Variants in GRM7 observed in about 807,000 individuals in gnomAD.
The protein encoded by GRM7 is glutamate metabotropic receptor 7.
GRM7 carries 35 observed loss-of-function variants against 84.5 expected under a neutral mutation model. That is an observed-to-expected ratio of 0.41 (90% CI 0.32 to 0.55). The LOEUF is 0.55. Ranked by LOEUF, GRM7 falls within the 20% of genes least tolerant of loss-of-function variation. The pLI, the probability that GRM7 is intolerant of heterozygous loss-of-function variation, is 0.19. For synonymous variants in GRM7, 487 were observed against 455.1 expected, an observed-to-expected ratio of 1.07 and a Z score of -0.89; for missense variants, 1,003 against 1,194.6, an observed-to-expected ratio of 0.84 and a Z score of 2.36.
In GRM7 at chr3:7,656,545, G is replaced by GCACACACACACACA. The variant is rs1288626812; in HGVS notation, c.2452-23503_2452-23502insACACACACACACAC. Among the ~76,000 whole-genome samples, 60 of 120,410 alleles carry GCACACACACACACA rather than the reference G, an allele frequency of 5.0e-4. No individual in the cohort carries two copies. The South Asian group carries it at 0.015, about 29-fold the overall frequency. 79.0% of individuals were successfully genotyped at this position (120,410 alleles called of 152,430 possible). A position where few individuals can be genotyped will look rare whatever the true frequency, so the allele number is the denominator to read the frequency against. ...AAAATATATATATATATATACGCGC[G>GCACACACACACACA]CGCACACACACACACACACACACAC... On this transcript the variant is annotated intron_variant, in intron 8 of 9. Coordinates refer to ENST00000357716, the MANE Select transcript of GRM7 (RefSeq NM_000844.4).
intron 3 of GRM7, among the ~76,000 whole-genome samples, chr3:7,303,999 C>T (rs1700098816): frequency 6.6e-6 from 1 of 151,400 alleles, no homozygotes; most frequent in Non-Finnish European, 1.5e-5. Context: ...AAAATGTTCT[C>T]ATTCTGCCTC....
chr3:7,342,734 A>G lies in GRM7; in HGVS notation c.1033+36082A>G, dbSNP rs77506983. Among the ~76,000 whole-genome samples the G allele has an allele frequency of 8.5e-3, 1,300 of 152,248 alleles. 11 individuals carry two copies. The highest frequency in any genetic ancestry group is 0.015 in the Non-Finnish European group (1,029 of 68,022). On this transcript the variant is annotated intron_variant, in intron 4 of 9. Transcript: ENST00000357716. ...TCTAAAGCGTTTCTAGGTGATGCTG[A>G]TTCGACTGGACCAGGTACCACACTT...
intron 1 of GRM7, among the ~76,000 whole-genome samples, chr3:6,880,754 C>T (rs1214648335): frequency 2.6e-5 from 4 of 152,104 alleles, no homozygotes; most frequent in South Asian, 2.1e-4. Flanking sequence ...TATTCCTTCT[C>T]GTCTCGTATT....
At chr3:7,310,110 G>T (rs532210181) in intron 4 of GRM7, among the ~76,000 whole-genome samples, 1 of 152,292 alleles carries the variant, frequency 6.6e-6, no homozygotes, top group African/African-American at 2.4e-5. Context: ...TCTGAAAGGA[G>T]GCTGTCCTAG....
intron 2 of GRM7, among the ~76,000 whole-genome samples, chr3:7,285,870 C>A (rs1260321791): frequency 6.6e-6 from 1 of 152,052 alleles, no homozygotes; most frequent in Non-Finnish European, 1.5e-5. Flanking sequence ...TGAAGCCCAA[C>A]GTGATTTTAA....
intron 1 of GRM7, among the ~76,000 whole-genome samples, chr3:6,890,689 T>A (rs960507613): frequency 4.6e-5 from 7 of 152,102 alleles, no homozygotes; most frequent in Non-Finnish European, 1.0e-4. Flanking sequence ...GGTGTGGTGC[T>A]GAAAAAAATG....
intron 8 of GRM7, among the ~76,000 whole-genome samples, chr3:7,673,532 A>AG (rs397693241): frequency 6.6e-6 from 1 of 151,576 alleles, no homozygotes; most frequent in Non-Finnish European, 1.5e-5. Flanking sequence ...AAAAAAAAAA[A>AG]GACCAGAACC....
intron 8 of GRM7, among the ~76,000 whole-genome samples, chr3:7,654,636 T>TAATC (rs1699099832): frequency 6.6e-6 from 1 of 152,236 alleles, no homozygotes; most frequent in Non-Finnish European, 1.5e-5. Flanking sequence ...GCTTCTCCAC[T>TAATC]AATCAGCTCT....
At chr3:7,693,741 C>T (rs1700905484) in intron 9 of GRM7, 1 of 1,101,048 alleles carries the variant, frequency 9.1e-7, no homozygotes, top group Non-Finnish European at 1.3e-6. Context: ...GCTACCCAGC[C>T]CACCAATGAA....
At chr3:7,450,627 G>A in intron 5 of GRM7, among the ~76,000 whole-genome samples, 1 of 152,112 alleles carries the variant, frequency 6.6e-6, no homozygotes, top group Admixed American at 6.6e-5. Flanking sequence ...AAAGGAAGTA[G>A]AGATTTAAGA....
chr3:7,427,995 C>A (rs1696681007), intron 5 of GRM7, among the ~76,000 whole-genome samples: 1 of 152,108 alleles, frequency 6.6e-6, no homozygotes, highest in South Asian at 2.1e-4. Context: ...GTTGAGACCC[C>A]TCATAGGGAA....
At chr3:7,563,308 A>G (rs1431480402) in intron 7 of GRM7, among the ~76,000 whole-genome samples, 1 of 152,162 alleles carries the variant, frequency 6.6e-6, no homozygotes, top group Non-Finnish European at 1.5e-5. Flanking sequence ...ATAAAAGAGG[A>G]CATTTTTTTC....
At chr3:7,235,905 C>G (rs1697332659) in intron 2 of GRM7, among the ~76,000 whole-genome samples, 1 of 152,252 alleles carries the variant, frequency 6.6e-6, no homozygotes, top group South Asian at 2.1e-4. Flanking sequence ...TTAGTTTGTG[C>G]CTGCTGCTAT....
In GRM7 at chr3:7,200,283, C is replaced by A. The variant is rs141045420; in HGVS notation, c.736+53615C>A. Among the ~76,000 whole-genome samples the A allele has an allele frequency of 1.9e-4, 29 of 152,316 alleles. No homozygotes were observed. The East Asian group carries it at 5.4e-3, about 28-fold the overall frequency. On this transcript the variant is annotated intron_variant, in intron 2 of 9. Transcript: ENST00000357716. ...CATTGGGGATCAAATTTCAGCATGACTTTTGATGGGAACAAACCACATTCA... is the reference window on the plus strand; with the variant it reads ...CATTGGGGATCAAATTTCAGCATGAATTTTGATGGGAACAAACCACATTCA...
Position 7,416,198 on chromosome 3 carries a change from T to G in GRM7, c.1174+1035T>G, listed in dbSNP as rs1010193630. 2.0e-5 allele frequency among the ~76,000 whole-genome samples: 3 copies of G among 152,092 alleles called. No individual in the cohort carries two copies. In the East Asian group the frequency reaches 5.8e-4, roughly 29 times the overall value. ...CAGGTGTAGAGAGATGGTCCAGAAC[T>G]AAGTCATTTTAGGATGTACGTGGGA... On this transcript the variant is annotated intron_variant, in intron 5 of 9. Coordinates refer to ENST00000357716, the MANE Select transcript of GRM7 (RefSeq NM_000844.4).
intron 7 of GRM7, among the ~76,000 whole-genome samples, chr3:7,549,916 A>G (rs1055362461): frequency 6.6e-6 from 1 of 152,254 alleles, no homozygotes; most frequent in Non-Finnish European, 1.5e-5. Context: ...GAAAGCTATG[A>G]AATGAACACA....
At chr3:7,376,881 A>G (rs1317441650) in intron 4 of GRM7, among the ~76,000 whole-genome samples, 1 of 152,186 alleles carries the variant, frequency 6.6e-6, no homozygotes, top group Non-Finnish European at 1.5e-5. Flanking sequence ...GATATTTGGC[A>G]GCATCCCATG....
intron 7 of GRM7, among the ~76,000 whole-genome samples, chr3:7,534,212 A>T (rs1575463946): frequency 6.6e-6 from 1 of 152,042 alleles, no homozygotes; most frequent in East Asian, 1.9e-4. Context: ...CAGGGTTTCA[A>T]CATATTGGCC....
intron 1 of GRM7, among the ~76,000 whole-genome samples, chr3:6,886,694 G>T (rs1242532946): frequency 6.6e-6 from 1 of 151,862 alleles, no homozygotes. Flanking sequence ...GCTTAGGCGA[G>T]ATGGTAAATG....
Sources: gnomAD v4.1 joint callset for allele counts (sites outside exome capture counted in the v4.1 genomes callset) on GRCh38, gnomAD v4.1.1 for gene constraint, MANE v1.5 for transcripts, NCBI Gene and HGNC (gene_info 2026-07-23, HGNC 2026-07-21) for gene names.